Variants in LRRIQ1 observed in about 807,000 individuals in gnomAD.
LRRIQ1 encodes the protein leucine rich repeats and IQ motif containing 1.
LRRIQ1 carries 210 observed loss-of-function variants against 211.9 expected under a neutral mutation model. The observed-to-expected ratio is 0.99, with a 90% confidence interval of 0.89 to 1.11. The LOEUF is 1.11. Ranked by LOEUF, LRRIQ1 falls within the 50% of genes most tolerant of loss-of-function variation. The pLI is 0.00. For synonymous variants in LRRIQ1, 699 were observed against 650.1 expected (o/e 1.08, Z -1.14); for missense variants, 2,136 against 1,939.5 (o/e 1.10, Z -1.90).
chr12:85,219,792 A>G (rs1265726293), intron 24 of LRRIQ1, among the ~76,000 whole-genome samples: 1 of 152,128 alleles, frequency 6.6e-6, no homozygotes, highest in Non-Finnish European at 1.5e-5. Context: ...ATATTTTTAA[A>G]GAATAGGGAT....
chr12:85,151,219 A>G (rs1004215907), intron 19 of LRRIQ1, among the ~76,000 whole-genome samples: 13 of 151,554 alleles, frequency 8.6e-5, no homozygotes, highest in Non-Finnish European at 1.9e-4. Flanking sequence ...GAGGCACACT[A>G]TTTACATAAC....
rs953511367 is a variant in LRRIQ1 at position 85,192,290 on chromosome 12, G to A, written c.4822+31576G>A. Among the ~76,000 whole-genome samples the A allele has an allele frequency of 3.4e-5, 5 of 148,564 alleles. No homozygotes were observed. In the Admixed American group the frequency reaches 3.5e-4, roughly 10 times the overall value. ...TTCTGTTCCTGTGTTAGTTTGCTTAGGATAGTGGCCTCCAGCTCCATTCAT... is the reference window on the plus strand; with the variant it reads ...TTCTGTTCCTGTGTTAGTTTGCTTAAGATAGTGGCCTCCAGCTCCATTCAT... On this transcript the variant is annotated intron_variant, in intron 24 of 26. Transcript: ENST00000393217.
At chr12:85,085,147 A>T (rs777016159) in intron 11 of LRRIQ1, among the ~76,000 whole-genome samples, 1 of 151,604 alleles carries the variant, frequency 6.6e-6, no homozygotes, top group African/African-American at 2.4e-5. Flanking sequence ...AGTTTCAGGG[A>T]TTGTATTAGT....
intron 11 of LRRIQ1, among the ~76,000 whole-genome samples, chr12:85,085,510 G>A (rs1884727283): frequency 1.3e-5 from 2 of 152,146 alleles, no homozygotes; most frequent in Admixed American, 6.6e-5. Flanking sequence ...ATGTTGCTGA[G>A]GTTTGTTGTA....
chr12:85,271,022 T>C, the LRRIQ1 span, among the ~76,000 whole-genome samples: 1 of 152,224 alleles, frequency 6.6e-6, no homozygotes, highest in East Asian at 1.9e-4. Context: ...CAATAGTTAT[T>C]TGACGGAAGA....
chr12:85,053,531 G>GTT lies in LRRIQ1; in HGVS notation c.753+1281_753+1282insTT, dbSNP rs780624701. On this transcript the variant is annotated intron_variant, in intron 7 of 26. Coordinates refer to ENST00000393217, the MANE Select transcript of LRRIQ1 (RefSeq NM_001079910.2). ...GAAGAAAGAAGACGATTCAAAAAACGTAAGTATTCAATGATAATGGTTTCT... is the reference window on the plus strand; with the variant it reads ...GAAGAAAGAAGACGATTCAAAAAACGTTTAAGTATTCAATGATAATGGTTTCT... Among the ~76,000 whole-genome samples, 10 of 152,180 alleles carry GTT rather than the reference G, an allele frequency of 6.6e-5. No individual in the cohort carries two copies. In the East Asian group the frequency reaches 1.2e-3, roughly 18 times the overall value.
chr12:85,185,451 C>T (rs1892180249), intron 24 of LRRIQ1, among the ~76,000 whole-genome samples: 1 of 151,776 alleles, frequency 6.6e-6, no homozygotes, highest in Non-Finnish European at 1.5e-5. Flanking sequence ...CCCTTAAAAT[C>T]ATTCTATTTT....
At chr12:85,267,757 A>G (rs1048485989), downstream of LRRIQ1, among the ~76,000 whole-genome samples, 2 of 152,054 alleles carry the variant, frequency 1.3e-5, no homozygotes, top group African/African-American at 4.8e-5. Flanking sequence ...AAGCACAACA[A>G]TTTTGTTCTG....
At chr12:85,063,194 CTAGTT>C (rs2136041939) in intron 8 of LRRIQ1, among the ~76,000 whole-genome samples, 1 of 150,456 alleles carries the variant, frequency 6.6e-6, no homozygotes, top group Non-Finnish European at 1.5e-5. Flanking sequence ...CAGAAGCTCT[CTAGTT>C]TAATTAGGCC....
chr12:85,119,203 T>G (rs1421933273), intron 15 of LRRIQ1, among the ~76,000 whole-genome samples: 1 of 152,166 alleles, frequency 6.6e-6, no homozygotes, highest in East Asian at 1.9e-4. Context: ...ACTAGCGATC[T>G]TACTGTCTAA....
At chr12:85,141,702 T>C (rs1889551873) in intron 19 of LRRIQ1, among the ~76,000 whole-genome samples, 1 of 151,208 alleles carries the variant, frequency 6.6e-6, no homozygotes, top group African/African-American at 2.4e-5. Context: ...GTTCTGCTTA[T>C]TTTTATATTT....
intron 8 of LRRIQ1, among the ~76,000 whole-genome samples, chr12:85,058,890 C>G (rs769569714): frequency 6.6e-6 from 1 of 151,944 alleles, no homozygotes; most frequent in Non-Finnish European, 1.5e-5. Context: ...CCATAATCCT[C>G]TCATCCCTTC....
chr12:85,200,399 C>T (rs188216238), intron 24 of LRRIQ1, among the ~76,000 whole-genome samples: 1 of 152,260 alleles, frequency 6.6e-6, no homozygotes, highest in Admixed American at 6.5e-5. Context: ...GCTATGAAAT[C>T]TGCAAATAGA....
chr12:85,129,609 A>G (rs1888614882), intron 18 of LRRIQ1, among the ~76,000 whole-genome samples: 5 of 152,206 alleles, frequency 3.3e-5, no homozygotes, highest in Admixed American at 3.3e-4. Context: ...TAGCCATTCG[A>G]TATCTGTGGG....
In LRRIQ1 at chr12:85,066,710, A is replaced by G. The variant is rs1320124699; in HGVS notation, c.2545-38A>G. The G allele has an allele frequency of 3.9e-6, 6 of 1,531,450 alleles. No individual in the cohort carries two copies. The Admixed American group carries it at 1.3e-4, about 33-fold the overall frequency. 94.9% of individuals were successfully genotyped at this position (1,531,450 alleles called of 1,614,324 possible). ...GCTTTAAATAGTTCATTAATAAGCC[A>G]TTGAAATAAAACTAATTACATTTGT... On this transcript the variant is annotated intron_variant, in intron 9 of 26. Coordinates refer to ENST00000393217, the MANE Select transcript of LRRIQ1 (RefSeq NM_001079910.2).
At chr12:85,218,240 C>T (rs1894246638) in intron 24 of LRRIQ1, among the ~76,000 whole-genome samples, 1 of 151,170 alleles carries the variant, frequency 6.6e-6, no homozygotes, top group Non-Finnish European at 1.5e-5. Flanking sequence ...CTGGACTTAC[C>T]CCCTAGACAA....
rs559427384 is a variant in LRRIQ1 at position 85,223,853 on chromosome 12, A to G, written c.4823-5664A>G. On this transcript the variant is annotated intron_variant, in intron 24 of 26. Transcript: ENST00000393217. ...ATTTTACAATGTACAAACTAAAATT[A>G]TTAAATAATTATAATGTTCCATTTC... 1.5e-4 allele frequency among the ~76,000 whole-genome samples: 23 copies of G among 152,248 alleles called. No homozygotes were observed. The South Asian group carries it at 4.6e-3, about 30-fold the overall frequency.
chr12:85,215,264 A>C (rs140625244), intron 24 of LRRIQ1, among the ~76,000 whole-genome samples: 1 of 152,294 alleles, frequency 6.6e-6, no homozygotes, highest in East Asian at 1.9e-4. Flanking sequence ...GTAGAGTTGA[A>C]GATATGCATA....
chr12:85,229,588 T>C lies in LRRIQ1; in HGVS notation c.4894T>C (p.Tyr1632His), dbSNP rs1200687805. 1.1e-5 allele frequency: 17 copies of C among 1,612,922 alleles called. 1 individual carries two copies. The highest frequency in any genetic ancestry group is 1.4e-5 in the Non-Finnish European group (17 of 1,179,362). The change falls in exon 25 of 27, where the codon TAC becomes CAC. Residue 1632 changes from tyrosine (Y) to histidine (H), a missense_variant. Physicochemically the swap from Tyr to His is moderately conservative, Grantham distance 83. Transcript: ENST00000393217. ...ATTAGAACGGAATAGAGAATATACATACCAATGGCTTCACACACAGGTTGG... is the reference window on the plus strand; with the variant it reads ...ATTAGAACGGAATAGAGAATATACACACCAATGGCTTCACACACAGGTTGG... ...EKLERNREYT[Y>H]QWLHTQVGVH...
Sources: gnomAD v4.1 joint callset for allele counts (sites outside exome capture counted in the v4.1 genomes callset) on GRCh38, gnomAD v4.1.1 for gene constraint, MANE v1.5 for transcripts, NCBI Gene and HGNC (gene_info 2026-07-23, HGNC 2026-07-21) for gene names.